The following GJA1 variants were observed in gnomAD, a reference collection of about 807,000 sequenced individuals.
The protein encoded by GJA1 is gap junction protein alpha 1.
A neutral mutation model predicts 31.0 loss-of-function variants in GJA1; 9 were observed. That is an observed-to-expected ratio of 0.29 (90% confidence interval 0.17 to 0.51). The LOEUF (loss-of-function observed/expected upper bound fraction) is 0.51, where lower values mean the gene tolerates loss of function less well. Ranked by LOEUF, GJA1 falls within the 20% of genes least tolerant of loss-of-function variation. GJA1 has a pLI of 0.98. For missense variants in GJA1, 278 were observed against 468.8 expected (o/e 0.59, Z 3.76); for synonymous variants, 186 against 180.1 (o/e 1.03, Z -0.26).
chr6:121,439,830 A>G (rs1229242870), intron 1 of GJA1, among the ~76,000 whole-genome samples: 2 of 152,176 alleles, frequency 1.3e-5, no homozygotes, highest in Non-Finnish European at 2.9e-5. Context: ...CAAATGTGCA[A>G]TTATTTATAA....
At chr6:121,440,942 G>T (rs57347370) in intron 1 of GJA1, among the ~76,000 whole-genome samples, 33,243 of 137,072 alleles carry the variant, frequency 0.24, 3,881 homozygotes, top group Non-Finnish European at 0.26. Context: ...TGTTGTTGTT[G>T]TTTGTCGTTT....
At chr6:121,445,464 A>T (rs1460880923) in intron 1 of GJA1, among the ~76,000 whole-genome samples, 1 of 152,168 alleles carries the variant, frequency 6.6e-6, no homozygotes, top group Non-Finnish European at 1.5e-5. Flanking sequence ...TCTTTTTCTT[A>T]TCCTCAGTAA....
chr6:121,440,170 G>A (rs747630487), intron 1 of GJA1, among the ~76,000 whole-genome samples: 6 of 151,660 alleles, frequency 4.0e-5, no homozygotes, highest in African/African-American at 1.5e-4. Flanking sequence ...TTAGAACATC[G>A]TAGAACTAGG....
intron 1 of GJA1, among the ~76,000 whole-genome samples, chr6:121,442,098 TAA>T (rs1460907110): frequency 2.6e-5 from 4 of 152,224 alleles, no homozygotes; most frequent in African/African-American, 9.6e-5. Flanking sequence ...TTTCAGATAT[TAA>T]AGTCCTTCAC....
Position 121,447,920 on chromosome 6 carries a change from T to C in GJA1, c.1073T>C (p.Ile358Thr). 1 of 1,613,782 alleles carries C rather than the reference T, an allele frequency of 6.2e-7. No homozygotes were observed. The highest frequency in any genetic ancestry group is 8.5e-7 in the Non-Finnish European group (1 of 1,179,832). The change falls in exon 2 of 2, where the codon ATT (isoleucine) becomes ACT (threonine). Residue 358 changes from isoleucine (I) to threonine (T), a missense_variant. Physicochemically the swap from Ile to Thr is moderately conservative, Grantham distance 89 (BLOSUM62 -1). Transcript: ENST00000282561. Reference protein sequence around the residue: ...AAGHELQPLAIVDQRPSSRAS... With the variant: ...AAGHELQPLATVDQRPSSRAS... ...GGACATGAATTACAGCCACTAGCCA[T>C]TGTGGACCAGCGACCTTCAAGCAGA...
In GJA1 at chr6:121,446,844, C is replaced by T. The variant is rs1198528601; in HGVS notation, c.-4C>T. Reference sequence around the variant, plus strand: ...TTGTTTCTTTCAGGTGGTGCCCAGGCAACATGGGTGACTGGAGCGCCTTAG... The same window carrying T: ...TTGTTTCTTTCAGGTGGTGCCCAGGTAACATGGGTGACTGGAGCGCCTTAG... On this transcript the variant is annotated 5_prime_UTR_variant, in exon 2 of 2. Coordinates refer to ENST00000282561, the MANE Select transcript of GJA1 (RefSeq NM_000165.5). 4.4e-6 allele frequency: 7 copies of T among 1,606,424 alleles called. No homozygotes were observed. The highest frequency in any genetic ancestry group is 2.7e-5 in the African/African-American group (2 of 74,772).
At chr6:121,435,953 ATGGATT>A in intron 1 of GJA1, 121 bp downstream of exon 1, 1 of 152,240 alleles carries the variant, frequency 6.6e-6, no homozygotes, top group South Asian at 2.1e-4. Context: ...AAATGGATTG[ATGGATT>A]TGAAAGTGTT....
At position 121,448,911 on chromosome 6, in the gene GJA1, TATG is replaced by T. The variant is rs886061018; in HGVS notation, c.*916_*918del. On this transcript the variant is annotated 3_prime_UTR_variant, in exon 2 of 2. Coordinates refer to ENST00000282561, the MANE Select transcript of GJA1 (RefSeq NM_000165.5). ...AACACAGATTTGAAAATAATGCACATATGGTGTTCAAATTTGAACCTTTCTCAT... is the reference window on the plus strand; with the variant it reads ...AACACAGATTTGAAAATAATGCACATGTGTTCAAATTTGAACCTTTCTCAT... 1 of 166,948 alleles carries T rather than the reference TATG, an allele frequency of 6.0e-6. No homozygotes were observed. Among genetic ancestry groups the T allele is most frequent in the Non-Finnish European group, 1.5e-5 (1 of 68,130 alleles). The allele number at this position is 166,948 out of a possible 1,614,324, so 10.3% of individuals were successfully genotyped here. A position where few individuals can be genotyped will look rare whatever the true frequency, so the allele number is the denominator to read the frequency against.
At position 121,448,326 on chromosome 6, in the gene GJA1, A is replaced by T. The variant is rs1478950820; in HGVS notation, c.*330A>T. 8.4e-6 allele frequency: 3 copies of T among 356,634 alleles called. No individual in the cohort carries two copies. The highest frequency in any genetic ancestry group is 1.6e-5 in the Non-Finnish European group (3 of 182,628). The allele number at this position is 356,634 out of a possible 1,614,324, so 22.1% of individuals were successfully genotyped here. A position where few individuals can be genotyped will look rare whatever the true frequency, so the allele number is the denominator to read the frequency against. On this transcript the variant is annotated 3_prime_UTR_variant, in exon 2 of 2. Transcript: ENST00000282561. Reference sequence around the variant, plus strand: ...AACACCCCTAAGAATGGTTCTGTGTATGTGAATGAGCGGGTGGTAATTGTG... The same window carrying T: ...AACACCCCTAAGAATGGTTCTGTGTTTGTGAATGAGCGGGTGGTAATTGTG...
chr6:121,446,787 A>G, intron 1 of GJA1, 45 bp from the exon 2 acceptor site: 2 of 1,163,066 alleles, frequency 1.7e-6, no homozygotes, highest in Admixed American at 1.7e-5. Flanking sequence ...TTAAACTAGT[A>G]ATTTGCAATC....
At chr6:121,445,408 A>G (rs1436322802) in intron 1 of GJA1, among the ~76,000 whole-genome samples, 1 of 152,164 alleles carries the variant, frequency 6.6e-6, no homozygotes, top group Non-Finnish European at 1.5e-5. Flanking sequence ...CAAAGTGCTT[A>G]TAGGCGTGAG....
chr6:121,444,272 CCCTT>C (rs951728581), intron 1 of GJA1, among the ~76,000 whole-genome samples: 2 of 152,162 alleles, frequency 1.3e-5, no homozygotes, highest in Non-Finnish European at 2.9e-5. Context: ...TCTAAAATGA[CCCTT>C]CCTAAGTAAA....
In GJA1 at chr6:121,447,262, A is replaced by G. The variant is rs1254071786; in HGVS notation, c.415A>G (p.Ile139Val). ...TGAGATAAAGAAGTTCAAGTACGGT[A>G]TTGAAGAGCATGGTAAGGTGAAAAT... ...QIEIKKFKYGIEEHGKVKMRG... is the reference protein window; with the variant it reads ...QIEIKKFKYGVEEHGKVKMRG... The change falls in exon 2 of 2, where the codon ATT becomes GTT. Residue 139 changes from isoleucine to valine, a missense_variant. Ile to Val is a conservative substitution (Grantham distance 29, BLOSUM62 3). This residue lies in a region of GJA1 where 80 missense variants were observed against 163.5 expected (regional missense o/e 0.49). Transcript: ENST00000282561. 2 of 1,614,196 alleles carry G rather than the reference A, an allele frequency of 1.2e-6. No individual in the cohort carries two copies. Among genetic ancestry groups the G allele is most frequent in the Non-Finnish European group, 1.7e-6 (2 of 1,180,030 alleles).
intron 1 of GJA1, among the ~76,000 whole-genome samples, chr6:121,439,622 T>G (rs1248332268): frequency 6.6e-6 from 1 of 152,162 alleles, no homozygotes; most frequent in Non-Finnish European, 1.5e-5. Flanking sequence ...GAGAGGATTG[T>G]CTTTTATGGG....
At position 121,447,637 on chromosome 6, in the gene GJA1, A is replaced by G. The variant is rs1411557858; in HGVS notation, c.790A>G (p.Lys264Glu). 1 of 1,613,974 alleles carries G rather than the reference A, an allele frequency of 6.2e-7. No homozygotes were observed. The highest frequency in any genetic ancestry group is 8.5e-7 in the Non-Finnish European group (1 of 1,179,996). ...CCCTGCCAAAGACTGTGGGTCTCAA[A>G]AATATGCTTATTTCAATGGCTGCTC... ...LSPAKDCGSQ[K>E]YAYFNGCSSP... The change falls in exon 2 of 2, where the codon AAA (lysine) becomes GAA (glutamate). Residue 264 changes from lysine to glutamate, a missense_variant. Lys to Glu is a moderately conservative substitution (Grantham distance 56, BLOSUM62 1). This residue lies in a region of GJA1 where 172 missense variants were observed against 190.9 expected (regional missense o/e 0.90). Coordinates refer to ENST00000282561, the MANE Select transcript of GJA1 (RefSeq NM_000165.5).
intron 1 of GJA1, among the ~76,000 whole-genome samples, chr6:121,443,066 CAGTTTAT>C (rs1773822910): frequency 6.6e-6 from 1 of 152,164 alleles, no homozygotes; most frequent in Non-Finnish European, 1.5e-5. Flanking sequence ...AATAAAAGTG[CAGTTTAT>C]AGTCTGTAGA....
chr6:121,446,759 C>G, intron 1 of GJA1, 73 bp from the exon 2 acceptor site: 1 of 963,162 alleles, frequency 1.0e-6, no homozygotes. Context: ...TTGACTATCA[C>G]CTGAAAGGTA....
At position 121,448,048 on chromosome 6, in the gene GJA1, G is replaced by T. The variant is rs758644469; in HGVS notation, c.*52G>T. Reference sequence around the variant, plus strand: ...CACTCAATTGTGGAGAAGAAAAAAGGTGCTGTAGAAAGTGCACCAGGTGTT... The same window carrying T: ...CACTCAATTGTGGAGAAGAAAAAAGTTGCTGTAGAAAGTGCACCAGGTGTT... On this transcript the variant is annotated 3_prime_UTR_variant, in exon 2 of 2. Coordinates refer to ENST00000282561, the MANE Select transcript of GJA1 (RefSeq NM_000165.5). 1.2e-5 allele frequency: 18 copies of T among 1,526,522 alleles called. 1 individual carries two copies. The highest frequency in any genetic ancestry group is 1.4e-5 in the African/African-American group (1 of 73,250). 94.6% of individuals were successfully genotyped at this position (1,526,522 alleles called of 1,614,324 possible).
In GJA1 at chr6:121,448,058, A is replaced by C. The variant is rs1773920989; in HGVS notation, c.*62A>C. ...TGGAGAAGAAAAAAGGTGCTGTAGAAAGTGCACCAGGTGTTAATTTTGATC... is the reference window on the plus strand; with the variant it reads ...TGGAGAAGAAAAAAGGTGCTGTAGACAGTGCACCAGGTGTTAATTTTGATC... On this transcript the variant is annotated 3_prime_UTR_variant, in exon 2 of 2. Transcript: ENST00000282561. The C allele has an allele frequency of 1.1e-5, 16 of 1,423,950 alleles. 1 individual carries two copies. The South Asian group carries it at 1.7e-4, about 15-fold the overall frequency. 88.2% of individuals were successfully genotyped at this position (1,423,950 alleles called of 1,614,324 possible).
Sources: gnomAD v4.1 joint callset for allele counts (sites outside exome capture counted in the v4.1 genomes callset) on GRCh38, gnomAD v4.1.1 for gene constraint, gnomAD v4.1.1 regional missense constraint, MANE v1.5 for transcripts, NCBI Gene and HGNC (gene_info 2026-07-23, HGNC 2026-07-21) for gene names.